BICD2: variants seen among roughly 807,000 people sequenced by gnomAD.
The protein encoded by BICD2 is BICD cargo adaptor 2.
BICD2 carries 25 observed loss-of-function variants against 72.9 expected under a neutral mutation model. The observed-to-expected ratio is 0.34, with a 90% CI of 0.25 to 0.48. The LOEUF (loss-of-function observed/expected upper bound fraction) is 0.48, where lower values mean the gene tolerates loss of function less well. BICD2 is among the 20% of genes least tolerant of loss of function. BICD2 has a pLI of 0.99. For missense variants in BICD2, 894 were observed against 1,175.2 expected, an observed-to-expected ratio of 0.76 and a Z score of 3.50; for synonymous variants, 501 against 516.1, an observed-to-expected ratio of 0.97 and a Z score of 0.40.
At chr9:92,762,628 C>A (rs1007337057) in intron 1 of BICD2, among the ~76,000 whole-genome samples, 1 of 152,140 alleles carries the variant, frequency 6.6e-6, no homozygotes, top group Non-Finnish European at 1.5e-5. Context: ...ATACATGCCA[C>A]GAAAATGCCA....
rs975415272 is a variant in BICD2 at position 92,714,269 on chromosome 9, T to C, written c.*885A>G. The C allele has an allele frequency of 1.0e-5, 10 of 985,560 alleles. No homozygotes were observed. In the South Asian group the frequency reaches 4.7e-4, roughly 46 times the overall value. The allele number at this position is 985,560 out of a possible 1,614,324, so 61.1% of individuals were successfully genotyped here. ...TCAGGCTAGGGTTTTCAAAGCCCCA[T>C]GTCTTTGGGACTGAACCCCCTATGG... On this transcript the variant is annotated 3_prime_UTR_variant, in exon 7 of 7. Coordinates refer to ENST00000356884, the MANE Select transcript of BICD2 (RefSeq NM_001003800.2).
At position 92,718,031 on chromosome 9, in the gene BICD2, G is replaced by A. The variant is rs187669484; in HGVS notation, c.2107-83C>T. 1,109 of 1,493,592 alleles carry A rather than the reference G, an allele frequency of 7.4e-4. 9 individuals are homozygous for A. The African/African-American group carries it at 0.013, about 17-fold the overall frequency. 92.5% of individuals were successfully genotyped at this position (1,493,592 alleles called of 1,614,324 possible). A position where few individuals can be genotyped will look rare whatever the true frequency, so the allele number is the denominator to read the frequency against. ...CTCTGGGAGCAGGATCGGGAGCCCC[G>A]GTCTGAAGTGGTGGCAGTGCCTGGG... On this transcript the variant is annotated intron_variant, in intron 5 of 6. Coordinates refer to ENST00000356884, the MANE Select transcript of BICD2 (RefSeq NM_001003800.2).
chr9:92,756,948 C>T (rs1047947057), intron 1 of BICD2, among the ~76,000 whole-genome samples: 5 of 151,986 alleles, frequency 3.3e-5, no homozygotes, highest in Middle Eastern at 3.5e-3. Context: ...CTCCGCCTAC[C>T]GGCACCCTCC....
intron 1 of BICD2, among the ~76,000 whole-genome samples, chr9:92,763,025 C>T (rs751991034): frequency 1.3e-5 from 2 of 152,224 alleles, no homozygotes; most frequent in African/African-American, 4.8e-5. Flanking sequence ...CTGCATCTCA[C>T]CCCTCTTGTA....
chr9:92,725,666 C>T (rs1853554018), intron 2 of BICD2, among the ~76,000 whole-genome samples: 1 of 132,564 alleles, frequency 7.5e-6, no homozygotes. Flanking sequence ...ATCTCAACTC[C>T]CCTTTGTGGG....
rs145720916 is a variant in BICD2, at chr9:92,734,933, G to A, written c.241-5697C>T. Among the ~76,000 whole-genome samples, 1,219 of 152,338 alleles carry A rather than the reference G, an allele frequency of 8.0e-3. 5 individuals are homozygous for A. The highest frequency in any genetic ancestry group is 0.013 in the Non-Finnish European group (908 of 68,034). On this transcript the variant is annotated intron_variant, in intron 1 of 6. Coordinates refer to ENST00000356884, the MANE Select transcript of BICD2 (RefSeq NM_001003800.2). ...GAACAAAAGGGACACACAGGTGGAA[G>A]GCCCAAGTTCCTACCCTCCTGGCCC...
At chr9:92,718,513 T>A in intron 5 of BICD2, 26 bp downstream of exon 5, 1 of 1,588,086 alleles carries the variant, frequency 6.3e-7, no homozygotes. Flanking sequence ...GTAGGTGACA[T>A]GTGCCCCTGC....
chr9:92,733,147 A>T (rs1853708235), intron 1 of BICD2, among the ~76,000 whole-genome samples: 1 of 152,264 alleles, frequency 6.6e-6, no homozygotes, highest in Admixed American at 6.5e-5. Flanking sequence ...AAAGATAGAT[A>T]CAGAGACCAA....
intron 1 of BICD2, among the ~76,000 whole-genome samples, chr9:92,732,165 C>T (rs10992437): frequency 2.0e-5 from 3 of 151,896 alleles, no homozygotes; most frequent in South Asian, 2.1e-4. Flanking sequence ...CTTCTAGAGA[C>T]GAAAAGTACA....
intron 1 of BICD2, among the ~76,000 whole-genome samples, chr9:92,748,298 C>A (rs561448506): frequency 1.3e-5 from 2 of 152,138 alleles, no homozygotes; most frequent in African/African-American, 2.4e-5. Context: ...GGCTGAATCA[C>A]GCACGATGTG....
chr9:92,756,091 C>G (rs1421549098), intron 1 of BICD2, among the ~76,000 whole-genome samples: 1 of 151,934 alleles, frequency 6.6e-6, no homozygotes, highest in South Asian at 2.1e-4. Flanking sequence ...TTCCTCCCTT[C>G]TGGTTTAGAA....
Position 92,719,547 on chromosome 9 carries a change from C to T in BICD2, c.1098G>A (p.Leu366=), listed in dbSNP as rs1423882382. The change falls in exon 5 of 7, where the codon CTG becomes CTA. Residue 366 remains leucine, a synonymous_variant. Coordinates refer to ENST00000356884, the MANE Select transcript of BICD2 (RefSeq NM_001003800.2). The stretch of plus-strand genomic sequence containing the variant: ...GCTCCAGCTGCTTCTGTGTGTCCTG[C>T]AGCGTTGCCAGCAGGCCCGCCTTTT... ...EREKAGLLAT[L]QDTQKQLEHT... is the part of the protein sequence containing the mutation. 4 of 1,608,364 alleles carry T rather than the reference C, an allele frequency of 2.5e-6. No homozygotes were observed. Among genetic ancestry groups the T allele is most frequent in the Admixed American group, 1.7e-5 (1 of 59,700 alleles).
At chr9:92,759,054 A>C (rs1854320136) in intron 1 of BICD2, among the ~76,000 whole-genome samples, 1 of 152,164 alleles carries the variant, frequency 6.6e-6, no homozygotes, top group South Asian at 2.1e-4. Flanking sequence ...TATAAAAAGC[A>C]AACCATGACA....
intron 1 of BICD2, among the ~76,000 whole-genome samples, chr9:92,745,807 A>C (rs1378972339): frequency 6.6e-6 from 1 of 152,172 alleles, no homozygotes; most frequent in African/African-American, 2.4e-5. Flanking sequence ...GAAAGCAAGA[A>C]AGAGAGGCTG....
intron 2 of BICD2, among the ~76,000 whole-genome samples, chr9:92,727,423 G>A (rs538484001): frequency 6.6e-6 from 1 of 152,308 alleles, no homozygotes; most frequent in East Asian, 1.9e-4. Context: ...GAGACTGCCG[G>A]TTTACAGATG....
chr9:92,760,007 G>A (rs908735543), intron 1 of BICD2, among the ~76,000 whole-genome samples: 2 of 152,158 alleles, frequency 1.3e-5, no homozygotes, highest in African/African-American at 4.8e-5. Context: ...CCTGACCTTG[G>A]GGGCTCACAG....
chr9:92,742,616 C>CT (rs1447746772), intron 1 of BICD2, among the ~76,000 whole-genome samples: 5 of 152,100 alleles, frequency 3.3e-5, no homozygotes, highest in Non-Finnish European at 5.9e-5. Context: ...ATCTCCTGAC[C>CT]TCGTGATCCG....
chr9:92,756,316 C>T (rs1029911650), intron 1 of BICD2, among the ~76,000 whole-genome samples: 6 of 151,342 alleles, frequency 4.0e-5, no homozygotes, highest in African/African-American at 1.5e-4. Flanking sequence ...GGCTGGAGTG[C>T]AGTGGCACGA....
intron 1 of BICD2, among the ~76,000 whole-genome samples, chr9:92,757,312 C>CA (rs1169381290): frequency 0.051 from 2,672 of 52,514 alleles, 225 homozygotes; most frequent in African/African-American, 0.098. Context: ...AGACTGTCTC[C>CA]AAAAAAAAAA....
Sources: gnomAD v4.1 joint callset for allele counts (sites outside exome capture counted in the v4.1 genomes callset) on GRCh38, gnomAD v4.1.1 for gene constraint, MANE v1.5 for transcripts, NCBI Gene and HGNC (gene_info 2026-07-23, HGNC 2026-07-21) for gene names.